Variants in AKAP7 observed in about 807,000 individuals in gnomAD.
The protein encoded by AKAP7 is A-kinase anchoring protein 7, also known as A kinase (PRKA) anchor protein 7.
Under a neutral mutation model 39.5 loss-of-function variants are expected in AKAP7, and 39 were observed. The ratio of observed to expected loss-of-function variants is 0.99; its 90% CI spans 0.76 to 1.29. AKAP7 has a LOEUF of 1.29. Among genes scored for constraint, AKAP7 ranks in the 50% most tolerant of loss-of-function variants. The pLI is 0.00. For synonymous variants in AKAP7, 140 were observed against 139.1 expected (o/e 1.01, Z -0.05); for missense variants, 414 against 407.7 (o/e 1.02, Z -0.13).
the AKAP7 span, among the ~76,000 whole-genome samples, chr6:131,126,714 G>A: frequency 6.6e-6 from 1 of 152,118 alleles, no homozygotes; most frequent in African/African-American, 2.4e-5. Context: ...CACACTACCT[G>A]AATCCTAGGG....
intron 5 of AKAP7, among the ~76,000 whole-genome samples, chr6:131,177,587 C>T (rs1804707546): frequency 6.6e-6 from 1 of 152,206 alleles, no homozygotes; most frequent in African/African-American, 2.4e-5. Flanking sequence ...AAGGCTCCAT[C>T]TCCAGCACAA....
chr6:131,232,773 C>T (rs921790699), intron 7 of AKAP7, among the ~76,000 whole-genome samples: 1 of 151,984 alleles, frequency 6.6e-6, no homozygotes, highest in South Asian at 2.1e-4. Flanking sequence ...GTTTGAGGGA[C>T]AAAGCAAGAC....
chr6:131,259,160 A>G lies in AKAP7; in HGVS notation c.851-22370A>G, dbSNP rs9492884. The stretch of plus-strand genomic sequence containing the variant: ...CTCATATCTGACTGTTTAAGCAAAA[A>G]TATAATTCACACTTTCTAAGCATTT... On this transcript the variant is annotated intron_variant, in intron 7 of 7. Coordinates refer to ENST00000431975, the MANE Select transcript of AKAP7 (RefSeq NM_016377.4). 9.3e-3 allele frequency among the ~76,000 whole-genome samples: 1,410 copies of G among 152,334 alleles called. 18 individuals carry two copies. The highest frequency in any genetic ancestry group is 0.03 in the African/African-American group (1,251 of 41,558).
the AKAP7 span, among the ~76,000 whole-genome samples, chr6:131,129,069 T>C: frequency 1.3e-5 from 2 of 151,882 alleles, no homozygotes; most frequent in Non-Finnish European, 2.9e-5. Context: ...GGTGGATCAC[T>C]TGAGGTCAGG....
intron 7 of AKAP7, among the ~76,000 whole-genome samples, chr6:131,261,836 T>C (rs1000923550): frequency 6.6e-6 from 1 of 151,892 alleles, no homozygotes; most frequent in African/African-American, 2.4e-5. Flanking sequence ...ACCAAGAAAA[T>C]AGAAACTACA....
chr6:131,273,097 G>A (rs1444799717), intron 7 of AKAP7, among the ~76,000 whole-genome samples: 1 of 151,884 alleles, frequency 6.6e-6, no homozygotes, highest in Non-Finnish European at 1.5e-5. Context: ...ATCTCTTCCG[G>A]GTAATACTTT....
At position 131,207,491 on chromosome 6, in the gene AKAP7, A is replaced by ATTTTTTTTTTTTT. The variant is rs531582478; in HGVS notation, c.702+7932_702+7944dup. On this transcript the variant is annotated intron_variant, in intron 6 of 7. Coordinates refer to ENST00000431975, the MANE Select transcript of AKAP7 (RefSeq NM_016377.4). ...TGCACACCATGCCTGGCTAATTAAA[A>ATTTTTTTTTTTTT]TTTTTTTTTTTTTTTTTTTTTTTTT... Among the ~76,000 whole-genome samples, 126 of 78,788 alleles carry ATTTTTTTTTTTTT rather than the reference A, an allele frequency of 1.6e-3. 10 individuals are homozygous for ATTTTTTTTTTTTT. Among genetic ancestry groups the ATTTTTTTTTTTTT allele is most frequent in the East Asian group, 8.0e-3 (26 of 3,262 alleles). 51.7% of individuals were successfully genotyped at this position (78,788 alleles called of 152,430 possible).
At chr6:131,187,651 T>C (rs115095504) in intron 5 of AKAP7, among the ~76,000 whole-genome samples, 23 of 152,312 alleles carry the variant, frequency 1.5e-4, no homozygotes, top group African/African-American at 5.5e-4. Context: ...TCCGTCTTTG[T>C]GTCCTCAATT....
intron 1 of AKAP7, chr6:131,136,963 T>C (rs1268343855): frequency 3.0e-6 from 2 of 658,922 alleles, no homozygotes; most frequent in Admixed American, 6.3e-5. Flanking sequence ...TATGTATATA[T>C]GTATATATGT....
At chr6:131,174,170 C>T (rs989528639) in intron 5 of AKAP7, among the ~76,000 whole-genome samples, 2 of 152,116 alleles carry the variant, frequency 1.3e-5, no homozygotes, top group Non-Finnish European at 2.9e-5. Flanking sequence ...CACTGTTATA[C>T]TTGCTTTTAA....
rs1808183973 is a variant in AKAP7, at chr6:131,207,144, A to G, written c.702+7571A>G. Among the ~76,000 whole-genome samples, 2 of 152,154 alleles carry G rather than the reference A, an allele frequency of 1.3e-5. 1 individual carries two copies. Among genetic ancestry groups the G allele is most frequent in the South Asian group, 4.1e-4 (2 of 4,832 alleles). The stretch of plus-strand genomic sequence containing the variant: ...GCTTAATTTGGCTTCACACAGTTAT[A>G]TATATTTTTAACCTCATATTGGCTT... On this transcript the variant is annotated intron_variant, in intron 6 of 7. Transcript: ENST00000431975.
At chr6:131,194,593 G>T (rs940628674) in intron 5 of AKAP7, among the ~76,000 whole-genome samples, 3 of 152,064 alleles carry the variant, frequency 2.0e-5, no homozygotes, top group Non-Finnish European at 4.4e-5. Flanking sequence ...TTGAATTTCT[G>T]TCTGGAAGGT....
chr6:131,166,255 T>G (rs1803479491), intron 4 of AKAP7, among the ~76,000 whole-genome samples: 1 of 152,068 alleles, frequency 6.6e-6, no homozygotes, highest in Non-Finnish European at 1.5e-5. Context: ...TCTGATCACT[T>G]TGCCAATCAG....
Position 131,135,735 on chromosome 6 carries a change from C to T in AKAP7, c.-29C>T. Reference sequence around the variant, plus strand: ...CCCGCCACCGCCGCTGCCGCCAGCCCAGACGCGCCGCCCGCATGCGCCGCG... The same window carrying T: ...CCCGCCACCGCCGCTGCCGCCAGCCTAGACGCGCCGCCCGCATGCGCCGCG... On this transcript the variant is annotated 5_prime_UTR_variant, in exon 1 of 8. Transcript: ENST00000431975. The T allele has an allele frequency of 8.2e-7, 1 of 1,217,284 alleles. No homozygotes were observed. Among genetic ancestry groups the T allele is most frequent in the Non-Finnish European group, 1.0e-6 (1 of 980,696 alleles). 75.4% of individuals were successfully genotyped at this position (1,217,284 alleles called of 1,614,324 possible).
chr6:131,147,580 G>A (rs893787056), intron 2 of AKAP7, among the ~76,000 whole-genome samples: 5 of 152,190 alleles, frequency 3.3e-5, no homozygotes, highest in Non-Finnish European at 5.9e-5. Context: ...AGGATTTAAT[G>A]TTTTCCTCTT....
At chr6:131,163,964 G>A (rs589613) in intron 3 of AKAP7, among the ~76,000 whole-genome samples, 64,031 of 151,468 alleles carry the variant, frequency 0.42, 14,033 homozygotes, top group Non-Finnish European at 0.48. Context: ...AAGACTTGGA[G>A]GGGCCTGACT....
chr6:131,199,594 C>A, intron 6 of AKAP7, 21 bp downstream of exon 6: 2 of 1,542,156 alleles, frequency 1.3e-6, no homozygotes, highest in Non-Finnish European at 1.8e-6. Flanking sequence ...GTTCTTATTG[C>A]AAGCCTGTTT....
At chr6:131,187,612 C>T (rs1281278796) in intron 5 of AKAP7, among the ~76,000 whole-genome samples, 4 of 152,136 alleles carry the variant, frequency 2.6e-5, no homozygotes, top group South Asian at 2.1e-4. Flanking sequence ...ACTTTCCCAA[C>T]CAGAATTGAA....
intron 7 of AKAP7, among the ~76,000 whole-genome samples, chr6:131,247,655 C>T (rs562105124): frequency 1.3e-5 from 2 of 151,684 alleles, no homozygotes; most frequent in South Asian, 2.1e-4. Flanking sequence ...GGGTCTCACT[C>T]GGTCACTCCT....
Sources: gnomAD v4.1 joint callset for allele counts (sites outside exome capture counted in the v4.1 genomes callset) on GRCh38, gnomAD v4.1.1 for gene constraint, MANE v1.5 for transcripts, NCBI Gene and HGNC (gene_info 2026-07-23, HGNC 2026-07-21) for gene names.